Variants in FBH1 observed in about 807,000 individuals in gnomAD.
FBH1 encodes the protein DNA 3'-5' helicase 1.
A neutral mutation model predicts 115.5 loss-of-function variants in FBH1; 43 were observed. The observed-to-expected ratio is 0.37, with a 90% CI of 0.29 to 0.48. The LOEUF (loss-of-function observed/expected upper bound fraction) is 0.48. Among genes scored for constraint, FBH1 ranks in the 20% least tolerant of loss-of-function variants. FBH1 has a pLI of 0.99. For synonymous variants in FBH1, 524 were observed against 507.8 expected, an observed-to-expected ratio of 1.03 and a Z score of -0.43; for missense variants, 1,001 against 1,337.3, an observed-to-expected ratio of 0.75 and a Z score of 3.92.
chr10:5,926,333 C>T (rs112781745), intron 18 of FBH1, among the ~76,000 whole-genome samples: 1,779 of 151,996 alleles, frequency 0.012, 33 homozygotes, highest in African/African-American at 0.041. Context: ...AGTCTGGTCT[C>T]GAACTCCTGA....
At chr10:5,891,996 CCTT>C (rs1842761341) in intron 1 of FBH1, among the ~76,000 whole-genome samples, 1 of 152,176 alleles carries the variant, frequency 6.6e-6, no homozygotes, top group East Asian at 1.9e-4. Context: ...TCTCTATGAA[CCTT>C]CTTTGCTCTG....
chr10:5,917,795 C>T lies in FBH1; in HGVS notation c.1963+119C>T. 2.4e-6 allele frequency: 2 copies of T among 824,870 alleles called. No homozygotes were observed. The highest frequency in any genetic ancestry group is 3.1e-5 in the South Asian group (2 of 63,882). 51.1% of individuals were successfully genotyped at this position (824,870 alleles called of 1,614,324 possible). A position where few individuals can be genotyped will look rare whatever the true frequency, so the allele number is the denominator to read the frequency against. ...TATTATTTGTGATAAAGAAGAGGATCTTCATACTTACCTTAGGATTTCAAG... is the reference window on the plus strand; with the variant it reads ...TATTATTTGTGATAAAGAAGAGGATTTTCATACTTACCTTAGGATTTCAAG... On this transcript the variant is annotated intron_variant, in intron 12 of 20. Transcript: ENST00000362091. This position sits in a 1 kb window ranked among gnomAD's most constrained non-coding sequence, Gnocchi z 5.6.
Position 5,924,904 on chromosome 10 carries a change from C to A in FBH1, c.2596+396C>A. 1 of 370,810 alleles carries A rather than the reference C, an allele frequency of 2.7e-6. No individual in the cohort carries two copies. Among genetic ancestry groups the A allele is most frequent in the Non-Finnish European group, 5.3e-6 (1 of 188,524 alleles). 23.0% of individuals were successfully genotyped at this position (370,810 alleles called of 1,614,324 possible). On this transcript the variant is annotated intron_variant, in intron 17 of 20. Transcript: ENST00000362091. The surrounding 1 kb of genome is among the most constrained non-coding windows in gnomAD (Gnocchi z 6.2). ...CTTCCCTGTGTGGAATATCTTTGAG[C>A]AAGGATGGCTTTATTGCTTAAGGGA...
At position 5,925,518 on chromosome 10, in the gene FBH1, G is replaced by A. The variant is rs752038364; in HGVS notation, c.2722+26G>A. On this transcript the variant is annotated intron_variant, in intron 18 of 20. Transcript: ENST00000362091. This position sits in a 1 kb window ranked among gnomAD's most constrained non-coding sequence, Gnocchi z 4.6. ...GTAAGAGGCCGCCGGGTAGTGTCAG[G>A]TGCTGCTGTATGTAGTGAGTGGTGA... 3 of 1,612,560 alleles carry A rather than the reference G, an allele frequency of 1.9e-6. No individual in the cohort carries two copies. Among genetic ancestry groups the A allele is most frequent in the Middle Eastern group, 2.0e-4 (1 of 5,084 alleles).
chr10:5,899,643 AGCT>A (rs1843220375), intron 1 of FBH1, among the ~76,000 whole-genome samples: 1 of 152,174 alleles, frequency 6.6e-6, no homozygotes, highest in Non-Finnish European at 1.5e-5. Flanking sequence ...GGAGTCCTGC[AGCT>A]GCTCCTGCTG....
At position 5,900,336 on chromosome 10, in the gene FBH1, G is replaced by A. The variant is rs1036067519; in HGVS notation, c.2-2684G>A. On this transcript the variant is annotated intron_variant, in intron 1 of 20. Transcript: ENST00000362091. This position sits in a 1 kb window ranked among gnomAD's most constrained non-coding sequence, Gnocchi z 4.2. ...ATCAGACTTAGATGAGATTGGGCGC[G>A]TTCAGGGTGGTATGGCCGTAGACCT... Among the ~76,000 whole-genome samples the A allele has an allele frequency of 2.0e-5, 3 of 152,218 alleles. No homozygotes were observed. The highest frequency in any genetic ancestry group is 4.4e-5 in the Non-Finnish European group (3 of 68,040).
intron 1 of FBH1, chr10:5,894,051 A>T: frequency 3.0e-6 from 3 of 985,308 alleles, no homozygotes; most frequent in Non-Finnish European, 3.6e-6. Flanking sequence ...AGGGAGTCAC[A>T]GGTGTCTCAG....
intron 13 of FBH1, among the ~76,000 whole-genome samples, chr10:5,920,497 GT>G (rs1408775463): frequency 6.6e-6 from 1 of 152,176 alleles, no homozygotes; most frequent in African/African-American, 2.4e-5. Context: ...GAATTCTTCT[GT>G]AAAGGAGATT....
In FBH1 at chr10:5,927,749, C is replaced by T. The variant is rs575100435; in HGVS notation, c.2829+208C>T. 9.2e-5 allele frequency among the ~76,000 whole-genome samples: 14 copies of T among 152,184 alleles called. No individual in the cohort carries two copies. In the South Asian group the frequency reaches 2.5e-3, roughly 27 times the overall value. On this transcript the variant is annotated intron_variant, in intron 19 of 20. Coordinates refer to ENST00000362091, the MANE Select transcript of FBH1 (RefSeq NM_178150.3). Reference sequence around the variant, plus strand: ...ATGTGGTTCTTTTCTAAGTCATTTCCTAATTCAGTTTAAAAAGCTCTGTTT... The same window carrying T: ...ATGTGGTTCTTTTCTAAGTCATTTCTTAATTCAGTTTAAAAAGCTCTGTTT...
rs140639467 is a variant in FBH1 at position 5,937,226 on chromosome 10, T to A, written c.3078T>A (p.Thr1026=). 1.2e-5 allele frequency: 20 copies of A among 1,613,426 alleles called. 1 individual carries two copies. In the African/African-American group the frequency reaches 2.4e-4, roughly 19 times the overall value. ...AGCAGGTGCGCGCCATGGAGCGCAC[T>A]GTGGAGAACATCGTACTGCCCCGGC... The part of the protein sequence containing the change: ...SPEQVRAMER[T]VENIVLPRHE... Residue 1026 remains threonine, a synonymous_variant, in exon 21 of 21, where the codon ACT becomes ACA. Transcript: ENST00000362091.
In FBH1 at chr10:5,906,931, C is replaced by T. The variant is rs539282283; in HGVS notation, c.753+299C>T. Among the ~76,000 whole-genome samples the T allele has an allele frequency of 2.6e-5, 4 of 152,190 alleles. No homozygotes were observed. Among genetic ancestry groups the T allele is most frequent in the African/African-American group, 9.6e-5 (4 of 41,538 alleles). ...GGTTGCTCTCATCCTCCCACCTTCC[C>T]CACCTGGAGGGTTCCTCATATCTCC... is the stretch of plus-strand genomic sequence containing the variant. On this transcript the variant is annotated intron_variant, in intron 3 of 20. Transcript: ENST00000362091. The surrounding 1 kb of genome is among the most constrained non-coding windows in gnomAD (Gnocchi z 7.3).
intron 19 of FBH1, among the ~76,000 whole-genome samples, chr10:5,930,757 T>A (rs1832921785): frequency 6.6e-6 from 1 of 152,244 alleles, no homozygotes; most frequent in African/African-American, 2.4e-5. Flanking sequence ...TTAAACTTTA[T>A]TTGTTTCAAA....
At position 5,910,968 on chromosome 10, in the gene FBH1, G is replaced by C; in HGVS notation, c.1051G>C (p.Val351Leu). Reference sequence around the variant, plus strand: ...CAACATCTGGGCCCTGGTGGCGGCTGTGGTGCTCCTCTCCAGCAGTGTGAA... The same window carrying C: ...CAACATCTGGGCCCTGGTGGCGGCTCTGGTGCTCCTCTCCAGCAGTGTGAA... ...GVNIWALVAA[V>L]VLLSSSVNDI... The change falls in exon 6 of 21, where the codon GTG (valine) becomes CTG (leucine). Residue 351 changes from valine (V) to leucine (L), a missense_variant. Around this residue, in one of 4 missense-constraint regions of FBH1, gnomAD observed 59 missense variants for 79.7 expected, o/e 0.74. Coordinates refer to ENST00000362091, the MANE Select transcript of FBH1 (RefSeq NM_178150.3). This position sits in a 1 kb window ranked among gnomAD's most constrained non-coding sequence, Gnocchi z 4.8. The C allele has an allele frequency of 6.2e-7, 1 of 1,611,708 alleles. No homozygotes were observed. Among genetic ancestry groups the C allele is most frequent in the Non-Finnish European group, 8.5e-7 (1 of 1,179,936 alleles).
Position 5,914,050 on chromosome 10 carries a change from G to A in FBH1, c.1305-128G>A, listed in dbSNP as rs924804390. The A allele has an allele frequency of 2.0e-5, 18 of 914,472 alleles. No individual in the cohort carries two copies. Among genetic ancestry groups the A allele is most frequent in the South Asian group, 7.7e-5 (5 of 64,838 alleles). The allele number at this position is 914,472 out of a possible 1,614,324, so 56.6% of individuals were successfully genotyped here. A position where few individuals can be genotyped will look rare whatever the true frequency, so the allele number is the denominator to read the frequency against. ...CTAGCTTTAGAACATGTTTATTCTC[G>A]TAAGGGGAGGCCTTTTTTTTGGTCA... On this transcript the variant is annotated intron_variant, in intron 7 of 20. Transcript: ENST00000362091. The surrounding 1 kb of genome is among the most constrained non-coding windows in gnomAD (Gnocchi z 5.2).
chr10:5,898,283 C>T lies in FBH1; in HGVS notation c.2-4737C>T, dbSNP rs569987396. Among the ~76,000 whole-genome samples the T allele has an allele frequency of 1.4e-4, 21 of 152,308 alleles. No individual in the cohort carries two copies. The South Asian group carries it at 2.9e-3, about 21-fold the overall frequency. The stretch of plus-strand genomic sequence containing the variant: ...TGAGGGCCGCTTCCTGGTTCATAGA[C>T]GGCACCTTCTCTTTGTGTCCTCACA... On this transcript the variant is annotated intron_variant, in intron 1 of 20. Coordinates refer to ENST00000362091, the MANE Select transcript of FBH1 (RefSeq NM_178150.3).
At chr10:5,893,978 A>G (rs952226844) in intron 1 of FBH1, 1 of 985,264 alleles carries the variant, frequency 1.0e-6, no homozygotes, top group Non-Finnish European at 1.2e-6. Context: ...TTTCTTTAGG[A>G]AAAACATAGA....
rs1843682773 is a variant in FBH1 at position 5,906,235 on chromosome 10, C to T, written c.356C>T (p.Pro119Leu). The change falls in exon 3 of 21, where the codon CCC (proline) becomes CTC (leucine). Residue 119 changes from proline to leucine, a missense_variant. This residue lies in a region of FBH1 where 420 missense variants were observed against 430.4 expected (regional missense o/e 0.98). Transcript: ENST00000362091. This position sits in a 1 kb window ranked among gnomAD's most constrained non-coding sequence, Gnocchi z 7.3. ...AGPGSPGSAP[P>L]SRKRSWSSEE... ...CCGGGCTCACCAGGGTCTGCCCCGC[C>T]CTCCAGGAAGCGGTCTTGGTCCTCT... 7.4e-6 allele frequency: 12 copies of T among 1,614,230 alleles called. No individual in the cohort carries two copies. The East Asian group carries it at 2.7e-4, about 36-fold the overall frequency.
intron 1 of FBH1, among the ~76,000 whole-genome samples, chr10:5,901,277 A>T (rs1359554920): frequency 6.6e-6 from 1 of 151,970 alleles, no homozygotes; most frequent in Non-Finnish European, 1.5e-5. Flanking sequence ...CGTTCAAGCG[A>T]TACTCCTGCC....
chr10:5,891,068 G>A, intron 1 of FBH1: 1 of 757,532 alleles, frequency 1.3e-6, no homozygotes, highest in Non-Finnish European at 1.6e-6. Flanking sequence ...TTTTACAGGT[G>A]GGGAAGTGGA....
Sources: allele counts gnomAD v4.1 joint callset (sites outside exome capture counted in the v4.1 genomes callset), GRCh38; gene constraint gnomAD v4.1.1; regional missense constraint gnomAD v4.1.1; non-coding constraint Gnocchi (gnomAD v3.1); transcripts MANE v1.5; gene names NCBI Gene and HGNC (gene_info 2026-07-23, HGNC 2026-07-21).